LRMDA: variants seen among roughly 807,000 people sequenced by gnomAD.
The protein encoded by LRMDA is leucine-rich melanocyte differentiation-associated protein.
A neutral mutation model predicts 29.8 loss-of-function variants in LRMDA; 18 were observed. The observed-to-expected ratio is 0.60, with a 90% confidence interval of 0.42 to 0.90. The LOEUF is 0.90. Among genes scored for constraint, LRMDA ranks in the 40% least tolerant of loss-of-function variants. LRMDA has a pLI of 0.00. For synonymous variants in LRMDA, 125 were observed against 109.4 expected (o/e 1.14, Z -0.89); for missense variants, 273 against 273.9 (o/e 1.00, Z 0.02).
In LRMDA at chr10:76,049,322, A is replaced by T. The variant is rs545285532; in HGVS notation, c.398+2019A>T. 2.4e-3 allele frequency among the ~76,000 whole-genome samples: 368 copies of T among 152,322 alleles called. 2 individuals carry two copies. The highest frequency in any genetic ancestry group is 7.4e-3 in the African/African-American group (308 of 41,578). On this transcript the variant is annotated intron_variant, in intron 4 of 6. Coordinates refer to ENST00000611255, the MANE Select transcript of LRMDA (RefSeq NM_001305581.2). ...CTAGAGGTCATACAAAACCAAAATC[A>T]TAACTAGTCAAAATTAACTTAGAAA...
At chr10:76,431,871 T>TA (rs1163219591) in intron 6 of LRMDA, among the ~76,000 whole-genome samples, 26 of 152,306 alleles carry the variant, frequency 1.7e-4, no homozygotes, top group Non-Finnish European at 3.5e-4. Context: ...TTTATGGCTT[T>TA]AAAAAACGGG....
intron 5 of LRMDA, among the ~76,000 whole-genome samples, chr10:76,088,791 G>T (rs1187371245): frequency 1.3e-5 from 2 of 152,108 alleles, no homozygotes; most frequent in Non-Finnish European, 2.9e-5. Context: ...CTTCATTCAA[G>T]CTTCAAGATT....
At chr10:75,497,586 C>G (rs1845062041) in intron 2 of LRMDA, among the ~76,000 whole-genome samples, 1 of 111,608 alleles carries the variant, frequency 9.0e-6, no homozygotes, top group Non-Finnish European at 2.0e-5. Flanking sequence ...AGAAAGTTGT[C>G]TTATGTCCCT....
chr10:76,142,049 T>C (rs1307131460), intron 5 of LRMDA, among the ~76,000 whole-genome samples: 1 of 152,044 alleles, frequency 6.6e-6, no homozygotes, highest in Non-Finnish European at 1.5e-5. Flanking sequence ...ATCTCAACTT[T>C]TCACCTTGTC....
intron 2 of LRMDA, among the ~76,000 whole-genome samples, chr10:75,752,050 T>C (rs957814924): frequency 6.6e-6 from 1 of 150,934 alleles, no homozygotes; most frequent in African/African-American, 2.4e-5. Flanking sequence ...TATATATATA[T>C]AAACAAAGAT....
intron 6 of LRMDA, among the ~76,000 whole-genome samples, chr10:76,351,972 T>C (rs1013962106): frequency 1.9e-4 from 29 of 152,118 alleles, no homozygotes; most frequent in African/African-American, 6.8e-4. Context: ...AAGTCTGGGT[T>C]TGAATCCTGG....
intron 2 of LRMDA, among the ~76,000 whole-genome samples, chr10:75,531,895 T>TAA (rs112976300): frequency 2.8e-5 from 4 of 141,098 alleles, no homozygotes; most frequent in Non-Finnish European, 1.6e-5. Context: ...CCCTGTCTCT[T>TAA]AAAAAAAAAA....
chr10:76,453,683 C>T (rs1458614449), intron 6 of LRMDA, among the ~76,000 whole-genome samples: 1 of 152,144 alleles, frequency 6.6e-6, no homozygotes. Flanking sequence ...TTCCTGTAGA[C>T]ACTAAAAAAT....
At chr10:75,572,241 C>G (rs771360067) in intron 2 of LRMDA, among the ~76,000 whole-genome samples, 1 of 152,130 alleles carries the variant, frequency 6.6e-6, no homozygotes, top group Non-Finnish European at 1.5e-5. Context: ...CATGAGCCAC[C>G]GTGCCTGGAT....
intron 5 of LRMDA, among the ~76,000 whole-genome samples, chr10:76,064,114 A>C (rs4348834): frequency 0.44 from 66,966 of 152,064 alleles, 15,332 homozygotes; most frequent in Non-Finnish European, 0.46. Flanking sequence ...ACATGGTTAC[A>C]TTAAAAGGCA....
chr10:76,463,708 T>C (rs1008301560), intron 6 of LRMDA, among the ~76,000 whole-genome samples: 1 of 152,124 alleles, frequency 6.6e-6, no homozygotes, highest in Non-Finnish European at 1.5e-5. Flanking sequence ...GCAGATTCAC[T>C]CAGTCTCTTC....
At chr10:75,730,605 T>G (rs1411432900) in intron 2 of LRMDA, among the ~76,000 whole-genome samples, 2 of 152,178 alleles carry the variant, frequency 1.3e-5, no homozygotes, top group African/African-American at 4.8e-5. Context: ...CTACTTCCTG[T>G]CACTCCATCA....
chr10:75,591,131 CT>C (rs988032322), intron 2 of LRMDA, among the ~76,000 whole-genome samples: 24 of 152,214 alleles, frequency 1.6e-4, no homozygotes, highest in African/African-American at 5.8e-4. Flanking sequence ...AATCCCAACA[CT>C]TTAGGCAGGA....
At chr10:76,338,633 A>G (rs1033524585) in intron 6 of LRMDA, among the ~76,000 whole-genome samples, 1 of 152,176 alleles carries the variant, frequency 6.6e-6, no homozygotes, top group Admixed American at 6.5e-5. Flanking sequence ...AAGAGTTGGT[A>G]CAAATGTATT....
At chr10:75,817,658 G>C (rs1844084344) in intron 2 of LRMDA, among the ~76,000 whole-genome samples, 1 of 152,204 alleles carries the variant, frequency 6.6e-6, no homozygotes, top group Non-Finnish European at 1.5e-5. Flanking sequence ...GATGTGGTAT[G>C]TATAAAAGAG....
chr10:75,660,927 C>T (rs1841744052), intron 2 of LRMDA, among the ~76,000 whole-genome samples: 1 of 152,204 alleles, frequency 6.6e-6, no homozygotes, highest in East Asian at 1.9e-4. Flanking sequence ...TATGTAGCTG[C>T]TCTGTCTTGA....
intron 2 of LRMDA, among the ~76,000 whole-genome samples, chr10:75,846,749 C>T (rs1233867054): frequency 6.6e-6 from 1 of 152,054 alleles, no homozygotes; most frequent in Non-Finnish European, 1.5e-5. Flanking sequence ...AAAACCAAAG[C>T]AGAACAAACC....
intron 5 of LRMDA, among the ~76,000 whole-genome samples, chr10:76,123,073 A>G (rs1415843488): frequency 6.6e-6 from 1 of 151,646 alleles, no homozygotes; most frequent in Non-Finnish European, 1.5e-5. Context: ...CAACAGTACA[A>G]CTCTTCATTC....
At chr10:75,964,195 A>C (rs144186118) in intron 2 of LRMDA, among the ~76,000 whole-genome samples, 1 of 152,312 alleles carries the variant, frequency 6.6e-6, no homozygotes, top group East Asian at 1.9e-4. Flanking sequence ...GATTAAAATG[A>C]ATGTAGCCCT....
Sources: allele counts gnomAD v4.1 joint callset (sites outside exome capture counted in the v4.1 genomes callset), GRCh38; gene constraint gnomAD v4.1.1; transcripts MANE v1.5; gene names NCBI Gene and HGNC (gene_info 2026-07-23, HGNC 2026-07-21).